The following CAMTA1 variants were observed in gnomAD, a reference collection of about 807,000 sequenced individuals.
The protein encoded by CAMTA1 is calmodulin-binding transcription activator 1.
Under a neutral mutation model 170.9 loss-of-function variants are expected in CAMTA1, and 27 were observed. That is an observed-to-expected ratio of 0.16 (90% CI 0.12 to 0.22). The LOEUF is 0.22. Ranked by LOEUF, CAMTA1 falls within the 10% of genes least tolerant of loss-of-function variation. The pLI is 1.00. For synonymous variants in CAMTA1, 833 were observed against 891.5 expected, an observed-to-expected ratio of 0.93 and a Z score of 1.17; for missense variants, 1,619 against 2,217.2, an observed-to-expected ratio of 0.73 and a Z score of 5.42.
At chr1:7,406,313 G>C (rs979247520) in intron 5 of CAMTA1, among the ~76,000 whole-genome samples, 1 of 152,328 alleles carries the variant, frequency 6.6e-6, no homozygotes, top group Admixed American at 6.5e-5. Flanking sequence ...AAGGAAGGAC[G>C]AGGCTGTTTC....
chr1:7,137,671 G>T (rs1024422369), intron 4 of CAMTA1, among the ~76,000 whole-genome samples: 8 of 152,106 alleles, frequency 5.3e-5, no homozygotes, highest in Non-Finnish European at 1.2e-4. Flanking sequence ...TCGGAGCTTT[G>T]GCACTTCCTG....
rs2096874975 is a variant in CAMTA1, at chr1:7,748,712, A to C, written c.4689+931A>C. On this transcript the variant is annotated intron_variant, in intron 19 of 22. Transcript: ENST00000303635. This position sits in a 1 kb window ranked among gnomAD's most constrained non-coding sequence, Gnocchi z 4.7. Reference sequence around the variant, plus strand: ...TCAGCTTCTTATCCATTTTAAAATGAAGAATTGTTAAAATCTTTGAAAATC... The same window carrying C: ...TCAGCTTCTTATCCATTTTAAAATGCAGAATTGTTAAAATCTTTGAAAATC... Among the ~76,000 whole-genome samples the C allele has an allele frequency of 6.6e-6, 1 of 152,204 alleles. No homozygotes were observed. The highest frequency in any genetic ancestry group is 1.5e-5 in the Non-Finnish European group (1 of 68,042).
At chr1:7,071,088 G>C (rs531833831) in intron 3 of CAMTA1, among the ~76,000 whole-genome samples, 55 of 152,314 alleles carry the variant, frequency 3.6e-4, no homozygotes, top group African/African-American at 1.3e-3. Flanking sequence ...GGCTTGCTTA[G>C]GAGTATGGAC....
chr1:6,800,557 G>C (rs1048250978), intron 1 of CAMTA1, among the ~76,000 whole-genome samples: 14 of 152,122 alleles, frequency 9.2e-5, no homozygotes, highest in African/African-American at 2.2e-4. Context: ...AATAATATAT[G>C]ATTACAGATG....
chr1:7,372,456 C>T (rs1222934959), intron 5 of CAMTA1, among the ~76,000 whole-genome samples: 1 of 152,224 alleles, frequency 6.6e-6, no homozygotes, highest in African/African-American at 2.4e-5. Context: ...CATCCTACCC[C>T]ACCGTCTAGT....
intron 11 of CAMTA1, among the ~76,000 whole-genome samples, chr1:7,721,896 G>A (rs982576647): frequency 2.6e-5 from 4 of 152,132 alleles, no homozygotes; most frequent in African/African-American, 9.7e-5. Context: ...TTACAAGTGT[G>A]AGCCACCACG....
At chr1:6,930,938 C>T (rs1684294193) in intron 3 of CAMTA1, among the ~76,000 whole-genome samples, 1 of 152,254 alleles carries the variant, frequency 6.6e-6, no homozygotes, top group Non-Finnish European at 1.5e-5. Flanking sequence ...CTTGGCTCCG[C>T]CGCGTCTCCT....
intron 4 of CAMTA1, among the ~76,000 whole-genome samples, chr1:7,194,642 T>C (rs933986864): frequency 3.9e-5 from 6 of 152,198 alleles, no homozygotes; most frequent in African/African-American, 1.2e-4. Flanking sequence ...GGAGGATTTC[T>C]CCTGAAAATA....
chr1:7,457,556 C>A (rs1013129773), intron 5 of CAMTA1, among the ~76,000 whole-genome samples: 1 of 152,186 alleles, frequency 6.6e-6, no homozygotes, highest in African/African-American at 2.4e-5. Flanking sequence ...AGGCTGCACA[C>A]CTCCCTGGTT....
intron 6 of CAMTA1, among the ~76,000 whole-genome samples, chr1:7,496,114 C>G (rs921376555): frequency 6.6e-6 from 1 of 152,192 alleles, no homozygotes; most frequent in Admixed American, 6.5e-5. Flanking sequence ...CCCAGAGGGC[C>G]GGCTCAGAGC....
intron 6 of CAMTA1, among the ~76,000 whole-genome samples, chr1:7,554,163 C>T (rs1348580402): frequency 1.3e-5 from 2 of 152,158 alleles, no homozygotes; most frequent in South Asian, 4.1e-4. Flanking sequence ...TTCCCGGGTT[C>T]GTTTCATTAC....
At chr1:7,233,843 C>T (rs976927215) in intron 4 of CAMTA1, among the ~76,000 whole-genome samples, 4 of 152,174 alleles carry the variant, frequency 2.6e-5, no homozygotes, top group Admixed American at 1.3e-4. Flanking sequence ...TCTCTTTAAT[C>T]CCTCGGCCTA....
rs1261723891 is a variant in CAMTA1 at position 7,325,884 on chromosome 1, A to G, written c.438+76258A>G. Among the ~76,000 whole-genome samples the G allele has an allele frequency of 6.6e-6, 1 of 152,072 alleles. No individual in the cohort carries two copies. The highest frequency in any genetic ancestry group is 1.5e-5 in the Non-Finnish European group (1 of 68,020). ...TTTGTTTGTTTGTTTTATGAGGCAG[A>G]GTCTCGCTCTGTTGCCCAGGCTGGA... On this transcript the variant is annotated intron_variant, in intron 5 of 22. Transcript: ENST00000303635. This position sits in a 1 kb window ranked among gnomAD's most constrained non-coding sequence, Gnocchi z 5.0.
chr1:7,342,350 G>A (rs56242696), intron 5 of CAMTA1, among the ~76,000 whole-genome samples: 5,441 of 152,240 alleles, frequency 0.036, 142 homozygotes, highest in Middle Eastern at 0.071. Flanking sequence ...CTCAGCTGGC[G>A]ATTCCTCTCA....
intron 5 of CAMTA1, among the ~76,000 whole-genome samples, chr1:7,252,961 C>G (rs1431065977): frequency 6.6e-6 from 1 of 152,158 alleles, no homozygotes; most frequent in Non-Finnish European, 1.5e-5. Flanking sequence ...ATTTTCTCAG[C>G]CAGGCACAGG....
intron 4 of CAMTA1, among the ~76,000 whole-genome samples, chr1:7,123,826 C>T (rs1644781660): frequency 6.6e-6 from 1 of 152,172 alleles, no homozygotes; most frequent in Non-Finnish European, 1.5e-5. Flanking sequence ...CCTTTGAGGG[C>T]ACAGTGAGAA....
chr1:7,729,114 C>CTTTTTTTTTTTTTTTTTTTTTTTTTTTT (rs146252158), intron 11 of CAMTA1, among the ~76,000 whole-genome samples: 1 of 142,280 alleles, frequency 7.0e-6, no homozygotes. Flanking sequence ...TATGAGGAAT[C>CTTTTTTTTTTTTTTTTTTTTTTTTTTTT]TTTTTTTTTC....
At chr1:7,697,193 C>A (rs1351557825) in intron 11 of CAMTA1, among the ~76,000 whole-genome samples, 2 of 152,174 alleles carry the variant, frequency 1.3e-5, no homozygotes, top group Non-Finnish European at 2.9e-5. Flanking sequence ...AGATCTGGAG[C>A]ACATCCTGAG....
chr1:7,521,417 C>G (rs1391574047), intron 6 of CAMTA1, among the ~76,000 whole-genome samples: 1 of 152,152 alleles, frequency 6.6e-6, no homozygotes, highest in African/African-American at 2.4e-5. Flanking sequence ...AATGTTGATA[C>G]AAGCCACCAG....
Sources: allele counts gnomAD v4.1 joint callset (sites outside exome capture counted in the v4.1 genomes callset), GRCh38; gene constraint gnomAD v4.1.1; non-coding constraint Gnocchi (gnomAD v3.1); transcripts MANE v1.5; gene names NCBI Gene and HGNC (gene_info 2026-07-23, HGNC 2026-07-21).